GON4L: variants seen among roughly 807,000 people sequenced by gnomAD.
The protein encoded by GON4L is GON-4-like protein.
In GON4L, 87 loss-of-function variants were observed where a neutral mutation model predicts 211.8. That is an observed-to-expected ratio of 0.41 (90% CI 0.35 to 0.49). The LOEUF (loss-of-function observed/expected upper bound fraction) is 0.49, where lower values mean the gene tolerates loss of function less well. Ranked by LOEUF, GON4L falls within the 20% of genes least tolerant of loss-of-function variation. GON4L has a pLI of 0.15. For synonymous variants in GON4L, 875 were observed against 962.6 expected (o/e 0.91, Z 1.68); for missense variants, 2,155 against 2,659.5 (o/e 0.81, Z 4.17).
intron 2 of GON4L, among the ~76,000 whole-genome samples, chr1:155,836,749 T>C (rs1015492412): frequency 2.6e-5 from 4 of 152,182 alleles, no homozygotes; most frequent in Admixed American, 6.5e-5. Flanking sequence ...TCTCAGACCT[T>C]TTCTCTTTAG....
At chr1:155,790,812 C>T (rs1490809429) in intron 12 of GON4L, among the ~76,000 whole-genome samples, 2 of 151,520 alleles carry the variant, frequency 1.3e-5, no homozygotes, top group African/African-American at 2.4e-5. Flanking sequence ...GGCATGGTGG[C>T]GCGTGACTAT....
intron 19 of GON4L, 141 bp from the exon 20 acceptor site, chr1:155,767,682 T>C: frequency 1.3e-6 from 2 of 1,571,904 alleles, no homozygotes; most frequent in East Asian, 4.5e-5. Flanking sequence ...TACACAAACA[T>C]CCATGAACGC....
At chr1:155,776,617 C>A in intron 15 of GON4L, 136 bp from the exon 16 acceptor site, 2 of 753,410 alleles carry the variant, frequency 2.7e-6, no homozygotes, top group South Asian at 1.5e-5. Context: ...GTGATGCAAT[C>A]ATGGCTCCAC....
intron 24 of GON4L, 143 bp downstream of exon 24, chr1:155,760,299 CAG>C: frequency 3.8e-6 from 2 of 528,428 alleles, no homozygotes; most frequent in East Asian, 2.9e-5. Context: ...CCTGAAAAGA[CAG>C]AGGCTTTTAT....
At position 155,828,876 on chromosome 1, in the gene GON4L, A is replaced by C. The variant is rs1484868459; in HGVS notation, c.506-1848T>G. On this transcript the variant is annotated intron_variant, in intron 2 of 31. Transcript: ENST00000368331. The stretch of plus-strand genomic sequence containing the variant: ...TATCAAGGAAATAGCTTGCATATAT[A>C]CAGAAAATCCCTGGACTATACACAA... 2.0e-5 allele frequency among the ~76,000 whole-genome samples: 3 copies of C among 152,042 alleles called. No homozygotes were observed. In the East Asian group the frequency reaches 5.8e-4, roughly 29 times the overall value.
chr1:155,768,224 A>C (rs534559107), intron 19 of GON4L, among the ~76,000 whole-genome samples: 2,538 of 149,772 alleles, frequency 0.017, 35 homozygotes, highest in Non-Finnish European at 0.03. Context: ...AATTGCTTGA[A>C]CCTGGGAGGT....
chr1:155,773,934 A>C (rs1425345863), intron 17 of GON4L, among the ~76,000 whole-genome samples: 1 of 152,224 alleles, frequency 6.6e-6, no homozygotes, highest in Non-Finnish European at 1.5e-5. Context: ...ATATCATTTA[A>C]TATAGCTGTT....
At chr1:155,842,560 C>T (rs1670873350) in intron 2 of GON4L, among the ~76,000 whole-genome samples, 1 of 140,694 alleles carries the variant, frequency 7.1e-6, no homozygotes, top group South Asian at 2.3e-4. Flanking sequence ...TGGAAAGGGC[C>T]GGGCCAGTGG....
At chr1:155,827,905 A>G (rs1289051000) in intron 2 of GON4L, among the ~76,000 whole-genome samples, 1 of 152,136 alleles carries the variant, frequency 6.6e-6, no homozygotes, top group Admixed American at 6.6e-5. Context: ...TTACTTTGGG[A>G]GGCCAGGGCA....
At chr1:155,813,610 G>C in intron 10 of GON4L, 24 bp downstream of exon 10, 2 of 1,575,576 alleles carry the variant, frequency 1.3e-6, no homozygotes, top group Middle Eastern at 1.7e-4. Flanking sequence ...GACTTTCTCA[G>C]TTAAGTACAG....
At chr1:155,826,443 G>A (rs915396749) in intron 3 of GON4L, among the ~76,000 whole-genome samples, 13 of 151,758 alleles carry the variant, frequency 8.6e-5, no homozygotes, top group Non-Finnish European at 1.5e-5. Flanking sequence ...GCAGGCACCT[G>A]TAATCCCAGC....
chr1:155,778,142 G>A (rs1051358051), intron 14 of GON4L, among the ~76,000 whole-genome samples: 2 of 152,118 alleles, frequency 1.3e-5, no homozygotes, highest in Non-Finnish European at 2.9e-5. Context: ...GGAGCTGGTG[G>A]GAACTCATCA....
At chr1:155,790,752 T>C (rs1347885523) in intron 12 of GON4L, among the ~76,000 whole-genome samples, 3 of 150,456 alleles carry the variant, frequency 2.0e-5, no homozygotes, top group Non-Finnish European at 4.4e-5. Flanking sequence ...GAGACCATCC[T>C]GGCCAACATG....
At chr1:155,811,090 C>CTGTT (rs1667719464) in intron 10 of GON4L, among the ~76,000 whole-genome samples, 1 of 151,798 alleles carries the variant, frequency 6.6e-6, no homozygotes, top group African/African-American at 2.4e-5. Context: ...ATAGTAAAGA[C>CTGTT]TGTTTCAAGA....
chr1:155,827,263 T>G (rs972215506), intron 2 of GON4L, among the ~76,000 whole-genome samples: 1 of 152,190 alleles, frequency 6.6e-6, no homozygotes, highest in Non-Finnish European at 1.5e-5. Flanking sequence ...TGCTTTCAGT[T>G]TTGCATTTTT....
intron 12 of GON4L, among the ~76,000 whole-genome samples, chr1:155,792,425 C>T (rs1009493965): frequency 2.6e-5 from 4 of 152,276 alleles, no homozygotes; most frequent in East Asian, 1.9e-4. Context: ...CATCTCTATT[C>T]GACTGGCAAA....
intron 10 of GON4L, among the ~76,000 whole-genome samples, chr1:155,807,377 G>A (rs1392862474): frequency 1.3e-5 from 2 of 151,974 alleles, no homozygotes; most frequent in African/African-American, 4.8e-5. Context: ...ACTCCAGCCT[G>A]GGCAACAGAG....
At chr1:155,774,605 C>A (rs1412863318) in intron 17 of GON4L, among the ~76,000 whole-genome samples, 1 of 152,094 alleles carries the variant, frequency 6.6e-6, no homozygotes, top group African/African-American at 2.4e-5. Context: ...CCGCGCCTGG[C>A]CTTAGTTGAT....
intron 2 of GON4L, among the ~76,000 whole-genome samples, chr1:155,828,085 G>T (rs1669384505): frequency 6.6e-6 from 1 of 151,860 alleles, no homozygotes; most frequent in Non-Finnish European, 1.5e-5. Context: ...TTGGACCCTG[G>T]AGTTCAAGGC....
Sources: allele counts gnomAD v4.1 joint callset (sites outside exome capture counted in the v4.1 genomes callset), GRCh38; gene constraint gnomAD v4.1.1; transcripts MANE v1.5; gene names NCBI Gene and HGNC (gene_info 2026-07-23, HGNC 2026-07-21).